Variants in CTNNA1 observed in about 807,000 individuals in gnomAD.
CTNNA1 encodes the protein catenin alpha 1.
A neutral mutation model predicts 98.4 loss-of-function variants in CTNNA1; 37 were observed. The observed-to-expected ratio is 0.38, with a 90% CI of 0.29 to 0.49. CTNNA1 has a LOEUF of 0.49. Among genes scored for constraint, CTNNA1 ranks in the 20% least tolerant of loss-of-function variants. The probability of loss-of-function intolerance (pLI) is 0.95; values close to 1 mark genes in which losing one functional copy is unlikely to be tolerated. For synonymous variants in CTNNA1, 404 were observed against 413.2 expected, an observed-to-expected ratio of 0.98 and a Z score of 0.27; for missense variants, 761 against 1,147.2, an observed-to-expected ratio of 0.66 and a Z score of 4.86.
rs756292363 is a variant in CTNNA1 at position 138,827,526 on chromosome 5, T to C, written c.870T>C (p.Ile290=). 13 of 1,614,090 alleles carry C rather than the reference T, an allele frequency of 8.1e-6. No homozygotes were observed. The East Asian group carries it at 2.5e-4, about 30-fold the overall frequency. The change falls in exon 7 of 18, where the codon ATT becomes ATC. Residue 290 remains isoleucine, a synonymous_variant. Transcript: ENST00000302763. ...YALNNFDKQI[I]VDPLSFSEER... ...TACTTTCTCTGCAGAAACAAATCAT[T>C]GTGGACCCCTTGAGCTTCAGCGAGG...
At chr5:138,902,566 C>A (rs1758289913) in intron 9 of CTNNA1, among the ~76,000 whole-genome samples, 1 of 152,170 alleles carries the variant, frequency 6.6e-6, no homozygotes, top group South Asian at 2.1e-4. Context: ...ACTACAGGCG[C>A]CTGCCACCAC....
Position 138,932,710 on chromosome 5 carries a change from G to A in CTNNA1, c.2431G>A (p.Gly811Arg), listed in dbSNP as rs1373407335. 4 of 1,614,122 alleles carry A rather than the reference G, an allele frequency of 2.5e-6. No homozygotes were observed. The highest frequency in any genetic ancestry group is 3.4e-6 in the Non-Finnish European group (4 of 1,180,020). ...QNLGGELVVS[G>R]VDSAMSLIQA... ...TCTCGGCGGGGAGCTTGTTGTCTCT[G>A]GGGTAAGCATTAGCTGAACAAAAAG... Residue 811 changes from glycine (G) to arginine (R), a missense_variant and splice_region_variant, in exon 17 of 18, where the codon GGG becomes AGG. By Grantham distance (125) the Gly-to-Arg change is moderately radical. Around this residue, in one of 6 missense-constraint regions of CTNNA1, gnomAD observed 12 missense variants for 47.3 expected, o/e 0.25. Coordinates refer to ENST00000302763, the MANE Select transcript of CTNNA1 (RefSeq NM_001903.5).
chr5:138,785,340 C>T (rs1013342131), intron 3 of CTNNA1, among the ~76,000 whole-genome samples: 5 of 152,030 alleles, frequency 3.3e-5, no homozygotes, highest in East Asian at 1.9e-4. Context: ...GGATTACAGG[C>T]GTGAGCCATC....
At chr5:138,756,852 C>T (rs140836421) in intron 1 of CTNNA1, among the ~76,000 whole-genome samples, 3 of 152,018 alleles carry the variant, frequency 2.0e-5, no homozygotes, top group Admixed American at 6.6e-5. Context: ...TGGTGGAGTA[C>T]GAGGTGGTAG....
chr5:138,842,620 C>T (rs1301762307), intron 7 of CTNNA1, among the ~76,000 whole-genome samples: 1 of 152,128 alleles, frequency 6.6e-6, no homozygotes, highest in Admixed American at 6.6e-5. Flanking sequence ...CCAGAGGTTG[C>T]AAATTTTTTG....
At position 138,798,514 on chromosome 5, in the gene CTNNA1, A is replaced by G. The variant is rs76832905; in HGVS notation, c.302-11524A>G. 8.8e-4 allele frequency among the ~76,000 whole-genome samples: 134 copies of G among 152,292 alleles called. 3 individuals carry two copies. In the East Asian group the frequency reaches 0.022, roughly 25 times the overall value. ...TTTGTTTTTTTTATCCATCACCCAA[A>G]TATTTTCCAAGCCTATCCTTTCCCC... is the stretch of plus-strand genomic sequence containing the variant. On this transcript the variant is annotated intron_variant, in intron 3 of 17. Transcript: ENST00000302763.
rs546204330 is a variant in CTNNA1 at position 138,928,360 on chromosome 5, C to T, written c.1900-886C>T. Among the ~76,000 whole-genome samples the T allele has an allele frequency of 2.7e-3, 408 of 152,296 alleles. 2 individuals carry two copies. Among genetic ancestry groups the T allele is most frequent in the African/African-American group, 8.9e-3 (368 of 41,532 alleles). Reference sequence around the variant, plus strand: ...CAGTAATCAGTCCCTTGGGTATTTACTCAGCCCTCACCTGCCATATTCTCC... The same window carrying T: ...CAGTAATCAGTCCCTTGGGTATTTATTCAGCCCTCACCTGCCATATTCTCC... On this transcript the variant is annotated intron_variant, in intron 13 of 17. Coordinates refer to ENST00000302763, the MANE Select transcript of CTNNA1 (RefSeq NM_001903.5).
intron 10 of CTNNA1, among the ~76,000 whole-genome samples, chr5:138,913,327 G>A (rs1761056748): frequency 6.6e-6 from 1 of 151,994 alleles, no homozygotes; most frequent in Non-Finnish European, 1.5e-5. Flanking sequence ...GCCAGGTGCT[G>A]TGGCTCACAT....
At chr5:138,779,666 G>A (rs825769) in intron 1 of CTNNA1, among the ~76,000 whole-genome samples, 104,762 of 151,572 alleles carry the variant, frequency 0.69, 36,361 homozygotes, top group East Asian at 0.93. Context: ...CCATGCAAAT[G>A]GTATTTAATA....
At chr5:138,891,448 G>A (rs1361796748) in intron 9 of CTNNA1, among the ~76,000 whole-genome samples, 1 of 151,886 alleles carries the variant, frequency 6.6e-6, no homozygotes, top group Non-Finnish European at 1.5e-5. Flanking sequence ...ACACACATGT[G>A]AATTAGAAGT....
Position 138,874,617 on chromosome 5 carries a change from C to T in CTNNA1, c.1063-11595C>T, listed in dbSNP as rs1312221563. ...GATATTTTTCAGCAGAACATATGGG[C>T]TATTTAAAAAAAACAACCACCACCA... is the stretch of plus-strand genomic sequence containing the variant. On this transcript the variant is annotated intron_variant, in intron 7 of 17. Coordinates refer to ENST00000302763, the MANE Select transcript of CTNNA1 (RefSeq NM_001903.5). This position sits in a 1 kb window ranked among gnomAD's most constrained non-coding sequence, Gnocchi z 4.1. 23 of 1,078,246 alleles carry T rather than the reference C, an allele frequency of 2.1e-5. No individual in the cohort carries two copies. The highest frequency in any genetic ancestry group is 3.0e-5 in the Non-Finnish European group (23 of 766,254). 66.8% of individuals were successfully genotyped at this position (1,078,246 alleles called of 1,614,324 possible).
At chr5:138,856,058 T>TTG (rs773762202) in intron 7 of CTNNA1, among the ~76,000 whole-genome samples, 2 of 152,200 alleles carry the variant, frequency 1.3e-5, no homozygotes, top group African/African-American at 2.4e-5. Flanking sequence ...TACATATTTT[T>TTG]TGAAGTATAA....
At chr5:138,784,141 C>T (rs986792412) in intron 3 of CTNNA1, among the ~76,000 whole-genome samples, 4 of 152,224 alleles carry the variant, frequency 2.6e-5, no homozygotes, top group African/African-American at 7.2e-5. Flanking sequence ...CAAGCTCAAA[C>T]AATCCGCCTG....
chr5:138,810,532 T>TTCTA (rs1412978720), intron 4 of CTNNA1, among the ~76,000 whole-genome samples: 1 of 152,170 alleles, frequency 6.6e-6, no homozygotes, highest in African/African-American at 2.4e-5. Flanking sequence ...AATTTTGTAC[T>TTCTA]TTTATTTATT....
In CTNNA1 at chr5:138,934,381, C is replaced by T; in HGVS notation, c.*292C>T. On this transcript the variant is annotated 3_prime_UTR_variant, in exon 18 of 18. Coordinates refer to ENST00000302763, the MANE Select transcript of CTNNA1 (RefSeq NM_001903.5). ...CTTGTTAGTAATGCTCTGACCAAGC[C>T]GAGATGCCCATTCTCTTAGTGATGG... 1 of 333,666 alleles carries T rather than the reference C, an allele frequency of 3.0e-6. No individual in the cohort carries two copies. Among genetic ancestry groups the T allele is most frequent in the Non-Finnish European group, 5.5e-6 (1 of 183,206 alleles). 20.7% of individuals were successfully genotyped at this position (333,666 alleles called of 1,614,324 possible).
At chr5:138,832,578 CA>C (rs1761369954) in intron 7 of CTNNA1, among the ~76,000 whole-genome samples, 1 of 151,908 alleles carries the variant, frequency 6.6e-6, no homozygotes, top group Non-Finnish European at 1.5e-5. Flanking sequence ...AAGTTATTAC[CA>C]TTTTTTTTCA....
chr5:138,831,285 G>A (rs1399738945), intron 7 of CTNNA1, among the ~76,000 whole-genome samples: 1 of 152,200 alleles, frequency 6.6e-6, no homozygotes, highest in East Asian at 1.9e-4. Flanking sequence ...CAACTTTGAT[G>A]TTTCAGGTGT....
chr5:138,825,394 A>G (rs28363408), intron 6 of CTNNA1, among the ~76,000 whole-genome samples: 62 of 150,266 alleles, frequency 4.1e-4, no homozygotes, highest in African/African-American at 1.4e-3. Context: ...TGTGTACACA[A>G]CTCTTAAGGT....
intron 16 of CTNNA1, 38 bp downstream of exon 16, chr5:138,930,973 T>C: frequency 7.2e-7 from 1 of 1,383,048 alleles, no homozygotes; most frequent in South Asian, 1.2e-5. Context: ...TCCAAGCTCC[T>C]CCTGGGGCTC....
Sources: gnomAD v4.1 joint callset for allele counts (sites outside exome capture counted in the v4.1 genomes callset) on GRCh38, gnomAD v4.1.1 for gene constraint, gnomAD v4.1.1 regional missense constraint, Gnocchi (gnomAD v3.1) non-coding constraint, MANE v1.5 for transcripts, NCBI Gene and HGNC (gene_info 2026-07-23, HGNC 2026-07-21) for gene names.